Variants in ACTR3C observed in about 807,000 individuals in gnomAD.
The protein encoded by ACTR3C is actin-related protein 3C.
A neutral mutation model predicts 26.3 loss-of-function variants in ACTR3C; 18 were observed. That is an observed-to-expected ratio of 0.68 (90% CI 0.47 to 1.01). The LOEUF (loss-of-function observed/expected upper bound fraction) is 1.01, where lower values mean the gene tolerates loss of function less well. ACTR3C is among the 50% of genes least tolerant of loss of function. ACTR3C has a pLI of 0.00. For synonymous variants in ACTR3C, 55 were observed against 94.5 expected (o/e 0.58, Z 2.42); for missense variants, 184 against 250.7 (o/e 0.73, Z 1.80).
At chr7:150,103,251 T>A in the ACTR3C span, among the ~76,000 whole-genome samples, 1 of 151,972 alleles carries the variant, frequency 6.6e-6, no homozygotes. Flanking sequence ...ATAGAAACTG[T>A]GTGTTATTTA....
At chr7:149,966,865 T>C in the ACTR3C span, among the ~76,000 whole-genome samples, 1 of 151,790 alleles carries the variant, frequency 6.6e-6, no homozygotes, top group South Asian at 2.1e-4. Context: ...TTTCCTTTTT[T>C]TTTGTGTGTG....
At chr7:149,926,371 T>C in the ACTR3C span, among the ~76,000 whole-genome samples, 773 of 152,294 alleles carry the variant, frequency 5.1e-3, 5 homozygotes, top group African/African-American at 0.018. Flanking sequence ...GGAGTTCAGG[T>C]GTTCCCACCA....
the ACTR3C span, among the ~76,000 whole-genome samples, chr7:150,180,649 A>T: frequency 6.8e-6 from 1 of 148,020 alleles, no homozygotes; most frequent in Non-Finnish European, 1.5e-5. Flanking sequence ...AGTAGCTGGG[A>T]CTACAGGCGC....
the ACTR3C span, among the ~76,000 whole-genome samples, chr7:150,144,846 G>C: frequency 4.6e-5 from 7 of 152,056 alleles, no homozygotes; most frequent in Non-Finnish European, 1.0e-4. The surrounding 1 kb of genome is among the most constrained non-coding windows in gnomAD (Gnocchi z 4.6). Context: ...TCAGGAGTTC[G>C]AGACTAGTCT....
chr7:150,132,460 T>C, the ACTR3C span, among the ~76,000 whole-genome samples: 1 of 152,084 alleles, frequency 6.6e-6, no homozygotes, highest in Non-Finnish European at 1.5e-5. Context: ...AACAGACACG[T>C]CTCAAAAGAA....
intron 1 of ACTR3C, among the ~76,000 whole-genome samples, chr7:150,313,954 A>C (rs1307478579): frequency 6.6e-6 from 1 of 152,222 alleles, no homozygotes; most frequent in African/African-American, 2.4e-5. Context: ...GGTAAGTGTT[A>C]GTGGCAGAAA....
the ACTR3C span, among the ~76,000 whole-genome samples, chr7:150,048,566 G>A: frequency 1.3e-5 from 2 of 152,088 alleles, no homozygotes; most frequent in South Asian, 2.1e-4. Flanking sequence ...GCACGCGAGC[G>A]GACGGTGCAA....
chr7:150,141,056 C>T, the ACTR3C span, among the ~76,000 whole-genome samples: 52 of 152,366 alleles, frequency 3.4e-4, no homozygotes, highest in African/African-American at 1.2e-3. Context: ...TACCTCTCTT[C>T]AGTTCAATTC....
At chr7:150,076,768 G>A in the ACTR3C span, 1 of 126,838 alleles carries the variant, frequency 7.9e-6, no homozygotes, top group Admixed American at 8.3e-5. Context: ...AACAGAGACA[G>A]ATACATCTTT....
intron 6 of ACTR3C, among the ~76,000 whole-genome samples, chr7:150,257,637 G>A (rs887012176): frequency 6.6e-6 from 1 of 152,216 alleles, no homozygotes; most frequent in Non-Finnish European, 1.5e-5. Context: ...CATGTTCCTA[G>A]AGCAGCCCTT....
intron 6 of ACTR3C, among the ~76,000 whole-genome samples, chr7:150,253,834 T>G (rs1034064527): frequency 2.6e-5 from 4 of 151,988 alleles, no homozygotes; most frequent in Non-Finnish European, 5.9e-5. Flanking sequence ...AGCATACATC[T>G]GCCAGATGGA....
the ACTR3C span, among the ~76,000 whole-genome samples, chr7:150,180,084 T>C: frequency 6.6e-6 from 1 of 151,082 alleles, no homozygotes; most frequent in Non-Finnish European, 1.5e-5. Flanking sequence ...GGGGGGTGGA[T>C]CACGAGGTTA....
At chr7:150,168,544 A>C in the ACTR3C span, among the ~76,000 whole-genome samples, 5 of 151,002 alleles carry the variant, frequency 3.3e-5, no homozygotes, top group African/African-American at 9.9e-5. Flanking sequence ...AATAGAGATC[A>C]AGTGCACAGT....
At chr7:150,109,451 C>G in the ACTR3C span, among the ~76,000 whole-genome samples, 1 of 151,894 alleles carries the variant, frequency 6.6e-6, no homozygotes, top group East Asian at 1.9e-4. Context: ...GAGAGGCAGG[C>G]CAGAGTCATG....
the ACTR3C span, among the ~76,000 whole-genome samples, chr7:150,198,501 A>T: frequency 8.4e-6 from 1 of 118,442 alleles, no homozygotes; most frequent in Non-Finnish European, 1.7e-5. Flanking sequence ...CCGCCGCCCC[A>T]TCTGGGATGT....
At chr7:150,049,669 G>A in the ACTR3C span, among the ~76,000 whole-genome samples, 1 of 152,204 alleles carries the variant, frequency 6.6e-6, no homozygotes, top group Non-Finnish European at 1.5e-5. Flanking sequence ...CTAACTGCGG[G>A]GGAGAATACT....
the ACTR3C span, among the ~76,000 whole-genome samples, chr7:150,173,683 G>T: frequency 9.3e-5 from 11 of 118,346 alleles, no homozygotes; most frequent in Non-Finnish European, 1.6e-4. Flanking sequence ...CTATCACGTT[G>T]TCGGGCTGCA....
At chr7:150,156,633 T>C in the ACTR3C span, among the ~76,000 whole-genome samples, 4 of 151,814 alleles carry the variant, frequency 2.6e-5, no homozygotes, top group Non-Finnish European at 4.4e-5. Flanking sequence ...AGAAAACAAG[T>C]AGAAGAAAAG....
At chr7:150,020,396 A>G in the ACTR3C span, among the ~76,000 whole-genome samples, 1 of 152,120 alleles carries the variant, frequency 6.6e-6, no homozygotes, top group South Asian at 2.1e-4. Flanking sequence ...CAACTTCTCT[A>G]GAGACCTATT....
Sources: allele counts gnomAD v4.1 joint callset (sites outside exome capture counted in the v4.1 genomes callset), GRCh38; gene constraint gnomAD v4.1.1; non-coding constraint Gnocchi (gnomAD v3.1); transcripts MANE v1.5; gene names NCBI Gene and HGNC (gene_info 2026-07-23, HGNC 2026-07-21).